Variants in PGC observed in about 807,000 individuals in gnomAD.
PGC encodes the protein gastricsin.
Under a neutral mutation model 45.9 loss-of-function variants are expected in PGC, and 31 were observed. That is an observed-to-expected ratio of 0.67 (90% confidence interval 0.51 to 0.91). The LOEUF (loss-of-function observed/expected upper bound fraction) is 0.91, where lower values mean the gene tolerates loss of function less well. Ranked by LOEUF, PGC falls within the 40% of genes least tolerant of loss-of-function variation. The pLI, the probability that PGC is intolerant of heterozygous loss-of-function variation, is 0.00. For missense variants in PGC, 477 were observed against 493.2 expected (o/e 0.97, Z 0.31); for synonymous variants, 192 against 201.8 (o/e 0.95, Z 0.41).
At chr6:41,741,443 T>C (rs1771822108) in intron 5 of PGC, among the ~76,000 whole-genome samples, 1 of 152,066 alleles carries the variant, frequency 6.6e-6, no homozygotes, top group African/African-American at 2.4e-5. Context: ...GTCAGGAGTT[T>C]GAGACCAGCC....
rs781021419 is a variant in PGC, at chr6:41,743,342, T to C, written c.376A>G (p.Asn126Asp). ...NPSESSTYST[N>D]GQTFSLQYGS... The stretch of plus-strand genomic sequence containing the variant: ...TACTGCAGGGAGAAGGTCTGCCCAT[T>C]GGTGGAGTAGGTGGACGACTCGCTG... The change falls in exon 4 of 9, where the codon AAT becomes GAT. Residue 126 changes from asparagine (N) to aspartate (D), a missense_variant. Coordinates refer to ENST00000373025, the MANE Select transcript of PGC (RefSeq NM_002630.4). 12 of 1,613,966 alleles carry C rather than the reference T, an allele frequency of 7.4e-6. No individual in the cohort carries two copies. Among genetic ancestry groups the C allele is most frequent in the Non-Finnish European group, 1.0e-5 (12 of 1,179,900 alleles).
chr6:41,746,788 C>T (rs963258067), intron 1 of PGC, among the ~76,000 whole-genome samples: 2 of 152,196 alleles, frequency 1.3e-5, no homozygotes, highest in Non-Finnish European at 2.9e-5. Flanking sequence ...GTGAGCCATG[C>T]CATCTACTCC....
rs758933327 is a variant in PGC at position 41,744,804 on chromosome 6, G to A, written c.64C>T (p.Pro22Ser). ...CGGATAGACTTAAATTTCTTCAGGG[G>A]CACTCTACAGAAAGGTTGCATATGA... ...QLLEAAVVKV[P>S]LKKFKSIRET... The change falls in exon 2 of 9, where the codon CCC (proline) becomes TCC (serine). Residue 22 changes from proline to serine, a missense_variant. Transcript: ENST00000373025. The surrounding 1 kb of genome is among the most constrained non-coding windows in gnomAD (Gnocchi z 4.4). 16 of 1,613,310 alleles carry A rather than the reference G, an allele frequency of 9.9e-6. No homozygotes were observed. In the Admixed American group the frequency reaches 2.5e-4, roughly 25 times the overall value.
chr6:41,743,126 G>C (rs1771862591), intron 4 of PGC, 145 bp downstream of exon 4: 1 of 695,674 alleles, frequency 1.4e-6, no homozygotes, highest in Admixed American at 2.0e-5. Flanking sequence ...TGTTGGGGGA[G>C]TGACTGAATG....
At chr6:41,745,011 G>GTT (rs1771905578) in intron 1 of PGC, among the ~76,000 whole-genome samples, 1 of 149,350 alleles carries the variant, frequency 6.7e-6, no homozygotes, top group South Asian at 2.1e-4. Flanking sequence ...GTGTGTGTGT[G>GTT]TGTGCGCGCG....
chr6:41,737,076 C>G, intron 8 of PGC, 72 bp from the exon 9 acceptor site: 2 of 1,450,366 alleles, frequency 1.4e-6, no homozygotes, highest in Non-Finnish European at 1.9e-6. Flanking sequence ...GCTCTGAGCC[C>G]TGGGCTGGGA....
At chr6:41,742,769 C>T (rs1299939154) in intron 4 of PGC, among the ~76,000 whole-genome samples, 3 of 152,180 alleles carry the variant, frequency 2.0e-5, no homozygotes, top group African/African-American at 7.2e-5. Flanking sequence ...GGACTGCAGG[C>T]GCGTGCCACC....
At chr6:41,746,814 C>T (rs570454740) in intron 1 of PGC, among the ~76,000 whole-genome samples, 5 of 152,326 alleles carry the variant, frequency 3.3e-5, no homozygotes, top group African/African-American at 1.2e-4. Flanking sequence ...TTTCTCCTGA[C>T]CCCTCAGGTG....
At chr6:41,740,820 C>T (rs1771808552) in intron 5 of PGC, 3 of 1,429,162 alleles carry the variant, frequency 2.1e-6, no homozygotes, top group Non-Finnish European at 2.7e-6. Flanking sequence ...GGGCTGTGTC[C>T]CTTAGACTGG....
intron 1 of PGC, among the ~76,000 whole-genome samples, chr6:41,746,699 C>T (rs1771935643): frequency 1.3e-5 from 2 of 152,174 alleles, no homozygotes; most frequent in African/African-American, 4.8e-5. Context: ...TGAGAGGAGC[C>T]AGCTCTTGGC....
intron 5 of PGC, 58 bp downstream of exon 5, chr6:41,742,232 G>A (rs951040395): frequency 4.5e-5 from 67 of 1,498,612 alleles, no homozygotes; most frequent in Middle Eastern, 4.1e-4. Flanking sequence ...AGCCTCAGTC[G>A]TCCAGGGCGG....
At chr6:41,743,431 C>T (rs756049776) in intron 3 of PGC, 42 bp from the exon 4 acceptor site, 2 of 1,221,176 alleles carry the variant, frequency 1.6e-6, no homozygotes, top group South Asian at 1.2e-5. Flanking sequence ...CCGGCTGGGG[C>T]AGGGCTGCTC....
intron 7 of PGC, among the ~76,000 whole-genome samples, chr6:41,738,797 A>T (rs1420727666): frequency 6.6e-6 from 1 of 152,050 alleles, no homozygotes. Flanking sequence ...TCTCTATTAA[A>T]AATACAAAAA....
chr6:41,737,028 C>T (rs1287641898), intron 8 of PGC, 24 bp from the exon 9 acceptor site: 1 of 1,605,074 alleles, frequency 6.2e-7, no homozygotes, highest in Non-Finnish European at 8.5e-7. Flanking sequence ...AAAGGCAGCA[C>T]TCATTCATTT....
Position 41,742,392 on chromosome 6 carries a change from A to T in PGC, c.545T>A (p.Leu182Gln), listed in dbSNP as rs772149884. The change falls in exon 5 of 9, where the codon CTG (leucine) becomes CAG (glutamine). Residue 182 changes from leucine (L) to glutamine (Q), a missense_variant. Leu to Gln is a moderately radical substitution (Grantham distance 113). Coordinates refer to ENST00000373025, the MANE Select transcript of PGC (RefSeq NM_002630.4). ...VYAQFDGIMG[L>Q]AYPALSVDEA... Reference sequence around the variant, plus strand: ...ATCCACGGACAGAGCAGGGTAGGCCAGGCCCATGATGCCATCAAACTGCGC... The same window carrying T: ...ATCCACGGACAGAGCAGGGTAGGCCTGGCCCATGATGCCATCAAACTGCGC... 1 of 1,614,180 alleles carries T rather than the reference A, an allele frequency of 6.2e-7. No individual in the cohort carries two copies. The highest frequency in any genetic ancestry group is 1.1e-5 in the South Asian group (1 of 91,080).
intron 5 of PGC, chr6:41,741,853 T>C (rs1405499047): frequency 5.9e-6 from 9 of 1,530,800 alleles, no homozygotes; most frequent in African/African-American, 1.4e-5. Flanking sequence ...GCTAGAACAA[T>C]AGATAAAAGG....
intron 1 of PGC, among the ~76,000 whole-genome samples, chr6:41,746,604 A>T (rs1771934761): frequency 6.6e-6 from 1 of 152,200 alleles, no homozygotes; most frequent in African/African-American, 2.4e-5. Context: ...TGCATTCTCC[A>T]GAAATTCTCT....
intron 1 of PGC, among the ~76,000 whole-genome samples, chr6:41,745,980 T>A (rs1459426846): frequency 6.6e-6 from 1 of 151,614 alleles, no homozygotes; most frequent in Non-Finnish European, 1.5e-5. Context: ...CTGGCCAAGA[T>A]GGTGAAAACC....
At chr6:41,743,508 C>T in intron 3 of PGC, 119 bp from the exon 4 acceptor site, 2 of 717,420 alleles carry the variant, frequency 2.8e-6, no homozygotes, top group Non-Finnish European at 5.1e-6. Context: ...CCTGGGACCT[C>T]AGCACCCCTG....
Sources: gnomAD v4.1 joint callset for allele counts (sites outside exome capture counted in the v4.1 genomes callset) on GRCh38, gnomAD v4.1.1 for gene constraint, Gnocchi (gnomAD v3.1) non-coding constraint, MANE v1.5 for transcripts, NCBI Gene and HGNC (gene_info 2026-07-23, HGNC 2026-07-21) for gene names.